UBA3: variants seen among roughly 807,000 people sequenced by gnomAD.
UBA3 encodes NEDD8-activating enzyme E1 catalytic subunit.
A neutral mutation model predicts 73.5 loss-of-function variants in UBA3; 26 were observed. The observed-to-expected ratio is 0.35, with a 90% CI of 0.26 to 0.49. The LOEUF is 0.49. Ranked by LOEUF, UBA3 falls within the 20% of genes least tolerant of loss-of-function variation. The pLI, the probability that UBA3 is intolerant of heterozygous loss-of-function variation, is 0.98. For missense variants in UBA3, 495 were observed against 555.6 expected (o/e 0.89, Z 1.10); for synonymous variants, 217 against 191.2 (o/e 1.13, Z -1.11).
chr3:69,075,357 G>T, intron 4 of UBA3, 73 bp downstream of exon 4: 1 of 691,570 alleles, frequency 1.4e-6, no homozygotes, highest in Non-Finnish European at 2.0e-6. Flanking sequence ...AAATTCCCTA[G>T]TATGACAGAT....
chr3:69,073,477 A>G (rs924543161), intron 4 of UBA3, among the ~76,000 whole-genome samples: 5 of 152,172 alleles, frequency 3.3e-5, no homozygotes, highest in African/African-American at 1.2e-4. Context: ...ACCATTTGAC[A>G]TACTATATAC....
chr3:69,079,479 T>C (rs997526021), intron 2 of UBA3, among the ~76,000 whole-genome samples: 2 of 152,220 alleles, frequency 1.3e-5, no homozygotes, highest in Admixed American at 6.5e-5. Flanking sequence ...GAGTAAATTA[T>C]GTGGCGCTGG....
chr3:69,063,302 G>T, intron 8 of UBA3, 137 bp downstream of exon 8: 1 of 1,228,656 alleles, frequency 8.1e-7, no homozygotes, highest in Non-Finnish European at 1.1e-6. Context: ...ACCAATGACT[G>T]GCAATAAACA....
At chr3:69,079,592 A>G (rs3755719) in intron 2 of UBA3, among the ~76,000 whole-genome samples, 94,943 of 152,112 alleles carry the variant, frequency 0.62, 29,953 homozygotes, top group East Asian at 0.82. Flanking sequence ...GGCTGTTTGA[A>G]GTCAACAACC....
intron 5 of UBA3, among the ~76,000 whole-genome samples, chr3:69,069,820 T>G (rs967852391): frequency 6.6e-6 from 1 of 152,222 alleles, no homozygotes; most frequent in Non-Finnish European, 1.5e-5. Flanking sequence ...AGTAGACTTC[T>G]AAGATTATTT....
chr3:69,069,151 A>G (rs771024137), intron 5 of UBA3, among the ~76,000 whole-genome samples: 1 of 152,166 alleles, frequency 6.6e-6, no homozygotes, highest in Non-Finnish European at 1.5e-5. Flanking sequence ...CACGTCTATC[A>G]TACCCACTAG....
intron 11 of UBA3, chr3:69,061,564 C>G (rs1575832828): frequency 2.7e-6 from 1 of 365,370 alleles, no homozygotes; most frequent in Non-Finnish European, 4.9e-6. Flanking sequence ...AATAGACTGT[C>G]TCTAAGAGAT....
chr3:69,067,564 C>T (rs1175311246), intron 6 of UBA3, among the ~76,000 whole-genome samples: 1 of 152,142 alleles, frequency 6.6e-6, no homozygotes, highest in Non-Finnish European at 1.5e-5. Context: ...TATTGACTGT[C>T]TACTCTGTCT....
chr3:69,062,940 G>A (rs755070521), intron 9 of UBA3, 42 bp downstream of exon 9: 5 of 1,605,448 alleles, frequency 3.1e-6, no homozygotes, highest in Non-Finnish European at 4.3e-6. Flanking sequence ...CTAATTCCAT[G>A]CCAAGATACT....
intron 11 of UBA3, among the ~76,000 whole-genome samples, chr3:69,057,664 T>C (rs772122616): frequency 5.3e-5 from 8 of 152,162 alleles, no homozygotes; most frequent in South Asian, 2.1e-4. Context: ...ATTTTAAACA[T>C]AAGAAAAGTG....
At chr3:69,057,213 A>G (rs2091981414) in intron 12 of UBA3, 43 bp downstream of exon 12, 2 of 1,593,930 alleles carry the variant, frequency 1.3e-6, no homozygotes, top group Non-Finnish European at 1.7e-6. Context: ...GTCAAAAACT[A>G]AAGAAAGCAA....
chr3:69,055,758 C>T, intron 17 of UBA3, 93 bp downstream of exon 17: 1 of 1,220,050 alleles, frequency 8.2e-7, no homozygotes, highest in Non-Finnish European at 1.2e-6. Context: ...ATATACAAGG[C>T]ATTAAGAGGA....
chr3:69,071,714 G>C lies in UBA3; in HGVS notation c.265-97C>G, dbSNP rs1575843842. 5 of 706,714 alleles carry C rather than the reference G, an allele frequency of 7.1e-6. No individual in the cohort carries two copies. In the South Asian group the frequency reaches 7.1e-5, roughly 10 times the overall value. 43.8% of individuals were successfully genotyped at this position (706,714 alleles called of 1,614,324 possible). On this transcript the variant is annotated intron_variant, in intron 4 of 17. Transcript: ENST00000361055. ...GTAGTCTTAAGTCTACAAATTCTCA[G>C]TAATAAATTCTGTGTAATTTGTATT... is the stretch of plus-strand genomic sequence containing the variant.
At chr3:69,061,666 T>G in intron 11 of UBA3, 148 bp downstream of exon 11, 1 of 506,046 alleles carries the variant, frequency 2.0e-6, no homozygotes, top group Non-Finnish European at 3.5e-6. Context: ...AAATTCCCCC[T>G]AGCTAATAAG....
rs759582398 is a variant in UBA3 at position 69,056,219 on chromosome 3, T to G, written c.1148A>C (p.Gln383Pro). 2.5e-6 allele frequency: 4 copies of G among 1,601,762 alleles called. No homozygotes were observed. Among genetic ancestry groups the G allele is most frequent in the Non-Finnish European group, 3.4e-6 (4 of 1,176,668 alleles). The change falls in exon 15 of 18, where the codon CAG becomes CCG. Residue 383 changes from glutamine to proline, a missense_variant. Physicochemically the swap from Gln to Pro is moderately conservative, Grantham distance 76. Transcript: ENST00000361055. Reference sequence around the variant, plus strand: ...ATTGGTTAGATAATCCAAAACCTCCTGTAGTTTAGCTGATGGAGAAAACTG... The same window carrying G: ...ATTGGTTAGATAATCCAAAACCTCCGGTAGTTTAGCTGATGGAGAAAACTG... ...NIQFSPSAKLQEVLDYLTNSA... is the reference protein window; with the variant it reads ...NIQFSPSAKLPEVLDYLTNSA...
chr3:69,077,952 T>C, intron 2 of UBA3, 34 bp from the exon 3 acceptor site: 1 of 1,607,922 alleles, frequency 6.2e-7, no homozygotes, highest in African/African-American at 1.3e-5. Flanking sequence ...GCTGCAAAGA[T>C]CAGTATGAAA....
At chr3:69,066,444 G>GTTT (rs11413559) in intron 6 of UBA3, among the ~76,000 whole-genome samples, 2 of 149,696 alleles carry the variant, frequency 1.3e-5, no homozygotes, top group East Asian at 2.0e-4. Context: ...GGTTTTTTGT[G>GTTT]TTTTTTTTTG....
rs150185348 is a variant in UBA3, at chr3:69,071,505, A to G, written c.347+30T>C. On this transcript the variant is annotated intron_variant, in intron 5 of 17. Coordinates refer to ENST00000361055, the MANE Select transcript of UBA3 (RefSeq NM_003968.4). The stretch of plus-strand genomic sequence containing the variant: ...TTCAAATGATTATCAGAGCTTAAAA[A>G]AAGAAAACCGCTAAGATATTAAAAC... The G allele has an allele frequency of 3.8e-5, 49 of 1,289,342 alleles. No homozygotes were observed. The African/African-American group carries it at 7.0e-4, about 19-fold the overall frequency. 79.9% of individuals were successfully genotyped at this position (1,289,342 alleles called of 1,614,324 possible).
intron 6 of UBA3, among the ~76,000 whole-genome samples, chr3:69,064,599 T>C (rs1474728980): frequency 2.0e-5 from 3 of 152,250 alleles, no homozygotes; most frequent in African/African-American, 4.8e-5. Context: ...AAGATTTTAC[T>C]GTTTTTATTT....
Sources: allele counts gnomAD v4.1 joint callset (sites outside exome capture counted in the v4.1 genomes callset), GRCh38; gene constraint gnomAD v4.1.1; transcripts MANE v1.5; gene names NCBI Gene and HGNC (gene_info 2026-07-23, HGNC 2026-07-21).